Variants in RANBP9 observed in about 807,000 individuals in gnomAD.
The protein encoded by RANBP9 is ran-binding protein 9.
In RANBP9, 15 loss-of-function variants were observed where a neutral mutation model predicts 84.3. The ratio of observed to expected loss-of-function variants is 0.18; its 90% CI spans 0.12 to 0.27. The LOEUF is 0.27. Ranked by LOEUF, RANBP9 falls within the 10% of genes least tolerant of loss-of-function variation. RANBP9 has a pLI of 1.00. For missense variants in RANBP9, 809 were observed against 912.8 expected (o/e 0.89, Z 1.46); for synonymous variants, 392 against 349.6 (o/e 1.12, Z -1.35).
At chr6:13,695,239 G>A (rs1031696970) in intron 2 of RANBP9, among the ~76,000 whole-genome samples, 1 of 152,004 alleles carries the variant, frequency 6.6e-6, no homozygotes, top group Non-Finnish European at 1.5e-5. Context: ...TAGAATAAGA[G>A]CAAAACAGGC....
intron 5 of RANBP9, among the ~76,000 whole-genome samples, chr6:13,652,113 CGTT>C (rs1765312042): frequency 6.6e-6 from 1 of 152,172 alleles, no homozygotes; most frequent in Non-Finnish European, 1.5e-5. Context: ...TGTGTCCTAC[CGTT>C]GGTATTCCCA....
chr6:13,622,339 G>T lies in RANBP9; in HGVS notation c.*23C>A. 1 of 1,530,426 alleles carries T rather than the reference G, an allele frequency of 6.5e-7. No homozygotes were observed. Among genetic ancestry groups the T allele is most frequent in the Non-Finnish European group, 8.8e-7 (1 of 1,138,878 alleles). 94.8% of individuals were successfully genotyped at this position (1,530,426 alleles called of 1,614,324 possible). A position where few individuals can be genotyped will look rare whatever the true frequency, so the allele number is the denominator to read the frequency against. Reference sequence around the variant, plus strand: ...ATGTTGACTATATGCCACAATATAAGTGTGAGCTCTTGAAATGCATAGCTA... The same window carrying T: ...ATGTTGACTATATGCCACAATATAATTGTGAGCTCTTGAAATGCATAGCTA... On this transcript the variant is annotated 3_prime_UTR_variant, in exon 14 of 14. Transcript: ENST00000011619.
intron 2 of RANBP9, among the ~76,000 whole-genome samples, chr6:13,665,875 CAT>C (rs1346266963): frequency 1.3e-5 from 2 of 152,102 alleles, no homozygotes; most frequent in East Asian, 3.8e-4. Context: ...GAGCATATGT[CAT>C]ATAATTCCTT....
intron 10 of RANBP9, 108 bp from the exon 11 acceptor site, chr6:13,634,660 G>C: frequency 9.5e-7 from 1 of 1,052,722 alleles, no homozygotes; most frequent in South Asian, 2.4e-5. Context: ...ATTTCATAAG[G>C]CAACAGAAAT....
At chr6:13,678,482 C>T (rs1038769284) in intron 2 of RANBP9, among the ~76,000 whole-genome samples, 9 of 152,176 alleles carry the variant, frequency 5.9e-5, no homozygotes, top group Non-Finnish European at 1.3e-4. Flanking sequence ...ACAAACCAAC[C>T]AATCCTGAGT....
intron 1 of RANBP9, among the ~76,000 whole-genome samples, chr6:13,706,592 C>G (rs1202689819): frequency 1.3e-5 from 2 of 151,264 alleles, no homozygotes; most frequent in South Asian, 2.1e-4. Flanking sequence ...ATTCAGGAGG[C>G]TGAGGCAGAA....
intron 2 of RANBP9, among the ~76,000 whole-genome samples, chr6:13,681,035 G>A (rs1766023181): frequency 6.6e-6 from 1 of 152,102 alleles, no homozygotes; most frequent in Admixed American, 6.5e-5. Context: ...GTATGCAAAT[G>A]TTATATGCTC....
chr6:13,688,120 T>G (rs563232619), intron 2 of RANBP9, among the ~76,000 whole-genome samples: 95 of 152,332 alleles, frequency 6.2e-4, no homozygotes, highest in African/African-American at 2.0e-3. Context: ...TAATTTAGTC[T>G]TATGAGGTTG....
intron 2 of RANBP9, among the ~76,000 whole-genome samples, chr6:13,689,591 C>T (rs992386180): frequency 4.6e-4 from 70 of 152,104 alleles, no homozygotes; most frequent in African/African-American, 1.5e-3. Flanking sequence ...ACTTTTATAA[C>T]TCTTCCTTAT....
chr6:13,637,239 C>A (rs916002991), intron 10 of RANBP9, among the ~76,000 whole-genome samples: 3 of 152,180 alleles, frequency 2.0e-5, no homozygotes, highest in African/African-American at 7.2e-5. Flanking sequence ...TGGTGCCCAA[C>A]AAATCCTCAA....
chr6:13,707,520 C>T (rs1758157475), intron 1 of RANBP9, among the ~76,000 whole-genome samples: 1 of 152,116 alleles, frequency 6.6e-6, no homozygotes, highest in Admixed American at 6.5e-5. Context: ...ATTTTATCTA[C>T]TTGAGATAAT....
intron 2 of RANBP9, among the ~76,000 whole-genome samples, chr6:13,683,758 T>C (rs1303101639): frequency 6.6e-6 from 1 of 151,798 alleles, no homozygotes; most frequent in Non-Finnish European, 1.5e-5. Flanking sequence ...ACCTTGTAAT[T>C]GGAAAAAAAA....
At chr6:13,691,613 T>C (rs1766322686) in intron 2 of RANBP9, among the ~76,000 whole-genome samples, 1 of 152,138 alleles carries the variant, frequency 6.6e-6, no homozygotes, top group South Asian at 2.1e-4. Context: ...AAAACTGAGA[T>C]CTGGGATAAA....
intron 2 of RANBP9, among the ~76,000 whole-genome samples, chr6:13,672,060 A>T (rs2113310159): frequency 6.6e-6 from 1 of 152,316 alleles, no homozygotes; most frequent in East Asian, 1.9e-4. Flanking sequence ...GGAGACTGAG[A>T]GTGAACTAAC....
chr6:13,703,620 G>T (rs559793359), intron 1 of RANBP9, among the ~76,000 whole-genome samples: 3 of 152,176 alleles, frequency 2.0e-5, no homozygotes, highest in African/African-American at 7.2e-5. Flanking sequence ...GCCCAACTAA[G>T]AATCATAGCA....
intron 2 of RANBP9, among the ~76,000 whole-genome samples, chr6:13,681,584 C>CAA (rs57354366): frequency 3.5e-5 from 5 of 143,706 alleles, no homozygotes; most frequent in African/African-American, 5.1e-5. Flanking sequence ...CTAAACCTCT[C>CAA]AAAAAAAAAA....
chr6:13,625,798 A>G (rs1249452518), intron 12 of RANBP9, 34 bp from the exon 13 acceptor site: 1 of 1,425,904 alleles, frequency 7.0e-7, no homozygotes, highest in Non-Finnish European at 9.9e-7. Context: ...TTTTAATTCA[A>G]ATAGTTCAAC....
rs754425265 is a variant in RANBP9 at position 13,632,392 on chromosome 6, G to A, written c.1925C>T (p.Thr642Ile). 2 of 1,606,678 alleles carry A rather than the reference G, an allele frequency of 1.2e-6. No homozygotes were observed. Among genetic ancestry groups the A allele is most frequent in the Non-Finnish European group, 1.7e-6 (2 of 1,177,656 alleles). ...CACCTTCAACATTTTTTTGTTTGCA[G>A]TGTTCTTGCCACAGTCTCTCCTTAG... ...EQLRRDCGKN[T>I]ANKKMLKDAF... The change falls in exon 12 of 14, where the codon ACT (threonine) becomes ATT (isoleucine). Residue 642 changes from threonine to isoleucine, a missense_variant. This residue lies in a region of RANBP9 where 233 missense variants were observed against 234.4 expected (regional missense o/e 0.99). Coordinates refer to ENST00000011619, the MANE Select transcript of RANBP9 (RefSeq NM_005493.3).
rs116532404 is a variant in RANBP9 at position 13,627,257 on chromosome 6, T to C, written c.1948-1493A>G. Among the ~76,000 whole-genome samples the C allele has an allele frequency of 7.5e-3, 1,134 of 152,206 alleles. 21 individuals are homozygous for C. Among genetic ancestry groups the C allele is most frequent in the African/African-American group, 0.026 (1,069 of 41,544 alleles). ...GCTACTTGGTTCTACTTCCCGCCCCTAACCCAACCCACACTTCCCAACCCA... is the reference window on the plus strand; with the variant it reads ...GCTACTTGGTTCTACTTCCCGCCCCCAACCCAACCCACACTTCCCAACCCA... On this transcript the variant is annotated intron_variant, in intron 12 of 13. Transcript: ENST00000011619.
Sources: allele counts gnomAD v4.1 joint callset (sites outside exome capture counted in the v4.1 genomes callset), GRCh38; gene constraint gnomAD v4.1.1; regional missense constraint gnomAD v4.1.1; transcripts MANE v1.5; gene names NCBI Gene and HGNC (gene_info 2026-07-23, HGNC 2026-07-21).